Variants in ADAM18 observed in about 807,000 individuals in gnomAD.
ADAM18 encodes the protein ADAM metallopeptidase domain 18, also known as disintegrin and metalloproteinase domain-containing protein 18.
A neutral mutation model predicts 94.4 loss-of-function variants in ADAM18; 117 were observed. The observed-to-expected ratio is 1.24, with a 90% CI of 1.07 to 1.45. The LOEUF is 1.45. ADAM18 is among the 40% of genes most tolerant of loss of function. ADAM18 has a pLI of 0.00. For missense variants in ADAM18, 936 were observed against 880.0 expected (o/e 1.06, Z -0.81); for synonymous variants, 327 against 291.6 (o/e 1.12, Z -1.24).
At chr8:39,620,397 A>G (rs904498370) in intron 6 of ADAM18, among the ~76,000 whole-genome samples, 1 of 148,770 alleles carries the variant, frequency 6.7e-6, no homozygotes, top group African/African-American at 2.4e-5. Context: ...ACAAAACAAA[A>G]CAAAGAAAAA....
chr8:39,600,017 A>G (rs1400168340), intron 2 of ADAM18, among the ~76,000 whole-genome samples: 1 of 152,106 alleles, frequency 6.6e-6, no homozygotes. Context: ...TGCAGAGAGG[A>G]TGCATTCGAT....
chr8:39,680,698 A>G (rs183560406), intron 16 of ADAM18, among the ~76,000 whole-genome samples: 6 of 152,352 alleles, frequency 3.9e-5, no homozygotes, highest in Admixed American at 3.9e-4. Context: ...ATGCATGAAT[A>G]TATATGAACA....
rs748390365 is a variant in ADAM18, at chr8:39,668,164, C to T, written c.1493C>T (p.Thr498Ile). ...TGCTATAACGGACAATGTCAAACTACTGATAACCAGTGTGCCAAGATATTT... is the reference window on the plus strand; with the variant it reads ...TGCTATAACGGACAATGTCAAACTATTGATAACCAGTGTGCCAAGATATTT... The part of the protein sequence containing the change: ...AYCYNGQCQT[T>I]DNQCAKIFGK... The change falls in exon 14 of 20, where the codon ACT (threonine) becomes ATT (isoleucine). Residue 498 changes from threonine to isoleucine, a missense_variant. By Grantham distance (89) the Thr-to-Ile change is moderately conservative (BLOSUM62 -1). Coordinates refer to ENST00000265707, the MANE Select transcript of ADAM18 (RefSeq NM_014237.3). The T allele has an allele frequency of 1.9e-5, 31 of 1,613,968 alleles. No individual in the cohort carries two copies. In the African/African-American group the frequency reaches 2.9e-4, roughly 15 times the overall value.
At chr8:39,671,606 G>C (rs1734331308) in intron 14 of ADAM18, among the ~76,000 whole-genome samples, 1 of 152,170 alleles carries the variant, frequency 6.6e-6, no homozygotes, top group South Asian at 2.1e-4. Flanking sequence ...CCTTGGGATG[G>C]AGACAATTGA....
At chr8:39,667,101 G>T (rs1379716257) in intron 13 of ADAM18, among the ~76,000 whole-genome samples, 1 of 152,052 alleles carries the variant, frequency 6.6e-6, no homozygotes, top group Non-Finnish European at 1.5e-5. Flanking sequence ...TAAAAATGAG[G>T]CCAGGTGTGG....
chr8:39,698,329 A>T (rs1300732154), intron 17 of ADAM18, among the ~76,000 whole-genome samples: 1 of 152,010 alleles, frequency 6.6e-6, no homozygotes, highest in African/African-American at 2.4e-5. Flanking sequence ...AGAATTTATT[A>T]ATCAATTTTT....
chr8:39,715,835 T>A (rs1054853581), intron 18 of ADAM18, among the ~76,000 whole-genome samples: 1 of 151,962 alleles, frequency 6.6e-6, no homozygotes, highest in East Asian at 1.9e-4. Flanking sequence ...CAGGCCCAGA[T>A]ATAGCCACCG....
chr8:39,630,468 A>G (rs1289400298), intron 7 of ADAM18, among the ~76,000 whole-genome samples: 1 of 151,770 alleles, frequency 6.6e-6, no homozygotes, highest in Non-Finnish European at 1.5e-5. Flanking sequence ...AAGTCTTCAT[A>G]GAATAGATTT....
chr8:39,611,352 T>C (rs1349034531), intron 6 of ADAM18: 1 of 784,178 alleles, frequency 1.3e-6, no homozygotes, highest in Non-Finnish European at 1.5e-6. Context: ...TTTACCATAC[T>C]TGGAGCTCAA....
In ADAM18 at chr8:39,668,019, T is replaced by C. The variant is rs1439105034; in HGVS notation, c.1348T>C (p.Cys450Arg). The C allele has an allele frequency of 2.5e-6, 4 of 1,613,912 alleles. No homozygotes were observed. The highest frequency in any genetic ancestry group is 1.1e-5 in the South Asian group (1 of 91,064). ...CCAGTTGTCAATAGCAGGCACTCCA[T>C]GTAGAAAGAGTATTGATCCAGAGTG... ...KCELSIAGTP[C>R]RKSIDPECDF... Residue 450 changes from cysteine to arginine, a missense_variant, in exon 14 of 20, where the codon TGT (cysteine) becomes CGT (arginine). Cys to Arg is a radical substitution (Grantham distance 180). Transcript: ENST00000265707.
chr8:39,663,677 A>G (rs1820910849), intron 12 of ADAM18, 118 bp from the exon 13 acceptor site: 2 of 618,450 alleles, frequency 3.2e-6, no homozygotes, highest in Non-Finnish European at 5.5e-6. Context: ...GAATTATACA[A>G]TTATATTGTA....
chr8:39,628,119 A>G (rs1284589401), intron 6 of ADAM18, among the ~76,000 whole-genome samples: 3 of 152,012 alleles, frequency 2.0e-5, no homozygotes, highest in South Asian at 4.1e-4. Flanking sequence ...ATAATTATAT[A>G]ATTTTGATTA....
intron 16 of ADAM18, among the ~76,000 whole-genome samples, chr8:39,692,323 A>G (rs1377701695): frequency 6.6e-6 from 1 of 151,786 alleles, no homozygotes; most frequent in South Asian, 2.1e-4. Context: ...AATGCAAGCT[A>G]TAAGTATAAA....
intron 2 of ADAM18, among the ~76,000 whole-genome samples, chr8:39,602,627 C>T (rs970440203): frequency 2.6e-5 from 4 of 152,082 alleles, no homozygotes; most frequent in African/African-American, 9.7e-5. Context: ...TTGTAAGATT[C>T]AGACATTTTG....
chr8:39,701,387 G>A (rs955560636), intron 17 of ADAM18, among the ~76,000 whole-genome samples: 1 of 151,734 alleles, frequency 6.6e-6, no homozygotes, highest in African/African-American at 2.4e-5. Flanking sequence ...TTATTAAGAT[G>A]CTTGTTGTTC....
At chr8:39,621,309 TCACACA>T (rs55818122) in intron 6 of ADAM18, among the ~76,000 whole-genome samples, 3,866 of 128,838 alleles carry the variant, frequency 0.03, 150 homozygotes, top group African/African-American at 0.085. Context: ...CATGACAAAA[TCACACA>T]CACACACACA....
chr8:39,594,602 T>C (rs1191394413), intron 2 of ADAM18, among the ~76,000 whole-genome samples: 1 of 152,000 alleles, frequency 6.6e-6, no homozygotes, highest in Admixed American at 6.6e-5. Context: ...GAATTCTAGA[T>C]TTATGGGTCT....
intron 16 of ADAM18, among the ~76,000 whole-genome samples, chr8:39,690,417 G>A (rs1490270591): frequency 6.6e-6 from 1 of 152,118 alleles, no homozygotes; most frequent in African/African-American, 2.4e-5. Context: ...AGGTGTAGTG[G>A]GAATGTCATA....
At chr8:39,668,768 G>T (rs981475711) in intron 14 of ADAM18, among the ~76,000 whole-genome samples, 3 of 151,874 alleles carry the variant, frequency 2.0e-5, no homozygotes, top group African/African-American at 7.3e-5. Flanking sequence ...TATTTTTAGA[G>T]AAATTAAAAT....
Sources: allele counts gnomAD v4.1 joint callset (sites outside exome capture counted in the v4.1 genomes callset), GRCh38; gene constraint gnomAD v4.1.1; transcripts MANE v1.5; gene names NCBI Gene and HGNC (gene_info 2026-07-23, HGNC 2026-07-21).